MRTFA: variants seen among roughly 807,000 people sequenced by gnomAD.
MRTFA encodes myocardin related transcription factor A.
MRTFA carries 20 observed loss-of-function variants against 83.5 expected under a neutral mutation model. That is an observed-to-expected ratio of 0.24 (90% CI 0.17 to 0.35). MRTFA has a LOEUF of 0.35. Ranked by LOEUF, MRTFA falls within the 10% of genes least tolerant of loss-of-function variation. The pLI is 1.00. For synonymous variants in MRTFA, 659 were observed against 541.2 expected, an observed-to-expected ratio of 1.22 and a Z score of -3.02; for missense variants, 1,200 against 1,224.7, an observed-to-expected ratio of 0.98 and a Z score of 0.30.
chr22:40,420,176 G>A (rs1263583158), intron 11 of MRTFA, among the ~76,000 whole-genome samples: 1 of 152,204 alleles, frequency 6.6e-6, no homozygotes. Context: ...CCAACAACAG[G>A]AACCACCACG....
intron 2 of MRTFA, among the ~76,000 whole-genome samples, chr22:40,564,641 TTTA>T (rs2055675746): frequency 6.6e-6 from 1 of 152,020 alleles, no homozygotes; most frequent in Admixed American, 6.6e-5. Flanking sequence ...GTAACTTTAT[TTTA>T]TTATTATTTT....
At chr22:40,488,302 T>A (rs1262407415) in intron 3 of MRTFA, among the ~76,000 whole-genome samples, 1 of 152,128 alleles carries the variant, frequency 6.6e-6, no homozygotes, top group Non-Finnish European at 1.5e-5. Flanking sequence ...ATTACGTTTG[T>A]GAAAAAGAGT....
At chr22:40,497,189 G>A (rs150241155) in intron 3 of MRTFA, among the ~76,000 whole-genome samples, 8 of 152,314 alleles carry the variant, frequency 5.3e-5, no homozygotes, top group Non-Finnish European at 1.2e-4. Flanking sequence ...CCTTGCTGGG[G>A]CTGGAGAGTT....
intron 4 of MRTFA, among the ~76,000 whole-genome samples, chr22:40,452,004 G>A (rs2053501489): frequency 5.6e-5 from 5 of 89,154 alleles, no homozygotes; most frequent in Admixed American, 4.9e-4. Context: ...TTTTTTTTGA[G>A]ACAGAGTCTC....
At chr22:40,579,788 AG>A (rs1231448960) in intron 2 of MRTFA, among the ~76,000 whole-genome samples, 1 of 151,364 alleles carries the variant, frequency 6.6e-6, no homozygotes, top group Admixed American at 6.6e-5. Context: ...TGAACCTGGG[AG>A]GTGGAGGTTG....
At chr22:40,596,724 G>T (rs1785968502) in intron 1 of MRTFA, among the ~76,000 whole-genome samples, 1 of 152,082 alleles carries the variant, frequency 6.6e-6, no homozygotes, top group African/African-American at 2.4e-5. Context: ...AAGAATCCTT[G>T]AACCCGAGAG....
At chr22:40,440,435 T>C (rs1401564934) in intron 4 of MRTFA, among the ~76,000 whole-genome samples, 1 of 152,242 alleles carries the variant, frequency 6.6e-6, no homozygotes, top group Non-Finnish European at 1.5e-5. Flanking sequence ...TCTCAGTCCC[T>C]GAGTAGGCCA....
chr22:40,429,831 C>G, intron 6 of MRTFA, 64 bp from the exon 7 acceptor site: 1 of 1,503,398 alleles, frequency 6.7e-7, no homozygotes, highest in Non-Finnish European at 8.9e-7. Context: ...GCCCCGGGAA[C>G]TCCAGAGCAG....
chr22:40,451,084 C>A (rs1050067123), intron 4 of MRTFA, among the ~76,000 whole-genome samples: 1 of 152,204 alleles, frequency 6.6e-6, no homozygotes, highest in Non-Finnish European at 1.5e-5. Context: ...AGGGCTGTTA[C>A]TGATGTAGCT....
chr22:40,554,641 A>G (rs2147316460), intron 2 of MRTFA, among the ~76,000 whole-genome samples: 1 of 152,346 alleles, frequency 6.6e-6, no homozygotes, highest in Admixed American at 6.5e-5. Flanking sequence ...AATCTTGGGC[A>G]GTTCTTTATA....
intron 7 of MRTFA, among the ~76,000 whole-genome samples, chr22:40,428,222 C>G (rs2052994933): frequency 6.6e-6 from 1 of 152,156 alleles, no homozygotes; most frequent in Non-Finnish European, 1.5e-5. Flanking sequence ...TTGGGACCAG[C>G]ATGGGAAGTG....
At position 40,417,501 on chromosome 22, in the gene MRTFA, G is replaced by T. The variant is rs1390133125; in HGVS notation, c.2365-8C>A. On this transcript the variant is annotated splice_region_variant and splice_polypyrimidine_tract_variant and intron_variant, in intron 12 of 14. Transcript: ENST00000355630. ...GCCAGGCTGGGACGAGGGCTGGACA[G>T]GAGAGCAGGGAGAGGACCAGTGGCC... is the stretch of plus-strand genomic sequence containing the variant. The T allele has an allele frequency of 1.3e-6, 2 of 1,493,856 alleles. No individual in the cohort carries two copies. Among genetic ancestry groups the T allele is most frequent in the East Asian group, 2.7e-5 (1 of 36,728 alleles). 92.5% of individuals were successfully genotyped at this position (1,493,856 alleles called of 1,614,324 possible).
At chr22:40,425,741 G>C (rs1445281967) in intron 7 of MRTFA, among the ~76,000 whole-genome samples, 1 of 152,218 alleles carries the variant, frequency 6.6e-6, no homozygotes, top group Non-Finnish European at 1.5e-5. Context: ...ATCTGATTTG[G>C]GACAGCAGCC....
chr22:40,610,624 T>TA (rs55775031), intron 1 of MRTFA, among the ~76,000 whole-genome samples: 15,397 of 152,226 alleles, frequency 0.1, 937 homozygotes, highest in East Asian at 0.25. Flanking sequence ...TTGTACTTTT[T>TA]ATCCATTATG....
chr22:40,492,114 CAGCATGCTGGAGGAG>C, intron 3 of MRTFA, among the ~76,000 whole-genome samples: 2 of 152,294 alleles, frequency 1.3e-5, no homozygotes, highest in Admixed American at 1.3e-4. Context: ...CCTTCTCCTC[CAGCATGCTGGAGGAG>C]ATTCGAGTCT....
At chr22:40,435,600 T>C in intron 4 of MRTFA, 46 bp from the exon 5 acceptor site, 2 of 1,595,894 alleles carry the variant, frequency 1.3e-6, no homozygotes, top group South Asian at 1.1e-5. Context: ...CGAAGCATCA[T>C]GTCTAGTGCT....
At chr22:40,508,142 G>A (rs536025541) in intron 3 of MRTFA, among the ~76,000 whole-genome samples, 1 of 152,044 alleles carries the variant, frequency 6.6e-6, no homozygotes, top group East Asian at 1.9e-4. Flanking sequence ...ATTTGATTAA[G>A]TAAACAACAA....
At chr22:40,604,381 C>T (rs1434457907) in intron 1 of MRTFA, among the ~76,000 whole-genome samples, 4 of 151,876 alleles carry the variant, frequency 2.6e-5, no homozygotes, top group African/African-American at 4.8e-5. Flanking sequence ...CCGCCCGCCT[C>T]GGCCTCCCAA....
chr22:40,460,542 C>G (rs771089248), intron 4 of MRTFA, among the ~76,000 whole-genome samples: 4 of 152,202 alleles, frequency 2.6e-5, no homozygotes, highest in Non-Finnish European at 5.9e-5. Context: ...AGGGCAGATA[C>G]CATGCCTCTT....
Sources: gnomAD v4.1 joint callset for allele counts (sites outside exome capture counted in the v4.1 genomes callset) on GRCh38, gnomAD v4.1.1 for gene constraint, MANE v1.5 for transcripts, NCBI Gene and HGNC (gene_info 2026-07-23, HGNC 2026-07-21) for gene names.